Variants in COMMD1 observed in about 807,000 individuals in gnomAD.
COMMD1 encodes COMM domain-containing protein 1.
In COMMD1, 10 loss-of-function variants were observed where a neutral mutation model predicts 17.2. The observed-to-expected ratio is 0.58, with a 90% CI of 0.36 to 0.99. The LOEUF is 0.99. COMMD1 is among the 50% of genes least tolerant of loss of function. COMMD1 has a pLI of 0.01. For synonymous variants in COMMD1, 97 were observed against 91.6 expected (o/e 1.06, Z -0.34); for missense variants, 270 against 231.8 (o/e 1.17, Z -1.07).
chr2:61,945,832 G>A (rs1385053511), intron 1 of COMMD1, among the ~76,000 whole-genome samples: 1 of 152,168 alleles, frequency 6.6e-6, no homozygotes, highest in Non-Finnish European at 1.5e-5. Context: ...AGTCACTGTC[G>A]GTAGAAAGGA....
At chr2:62,047,340 A>G (rs2103909899) in intron 2 of COMMD1, among the ~76,000 whole-genome samples, 2 of 152,308 alleles carry the variant, frequency 1.3e-5, no homozygotes, top group South Asian at 4.1e-4. Context: ...ATATTTATAA[A>G]TTCTACAGTA....
intron 2 of COMMD1, among the ~76,000 whole-genome samples, chr2:62,018,892 G>C (rs896904924): frequency 1.3e-5 from 2 of 152,100 alleles, no homozygotes; most frequent in African/African-American, 2.4e-5. Flanking sequence ...TTTTGTGTTT[G>C]GTGAAGGCCT....
intron 1 of COMMD1, among the ~76,000 whole-genome samples, chr2:61,943,796 T>C (rs916955546): frequency 2.0e-5 from 3 of 152,022 alleles, no homozygotes; most frequent in Non-Finnish European, 4.4e-5. Context: ...GATCCCGCCA[T>C]TGCACTCCAG....
chr2:62,075,182 C>T (rs1671308281), intron 2 of COMMD1, among the ~76,000 whole-genome samples: 1 of 152,042 alleles, frequency 6.6e-6, no homozygotes, highest in African/African-American at 2.4e-5. Context: ...AGCCACCATG[C>T]CTGGCCTGGT....
intron 2 of COMMD1, among the ~76,000 whole-genome samples, chr2:62,106,694 G>A (rs1156844170): frequency 6.6e-6 from 1 of 152,212 alleles, no homozygotes; most frequent in Admixed American, 6.5e-5. Flanking sequence ...AGGTGGTGAT[G>A]AGCACCAAAA....
intron 1 of COMMD1, among the ~76,000 whole-genome samples, chr2:61,999,005 A>G (rs1389068806): frequency 3.3e-5 from 5 of 152,228 alleles, no homozygotes; most frequent in African/African-American, 1.2e-4. Flanking sequence ...GATATAAATA[A>G]TAGTGAAAAA....
At chr2:62,015,661 C>T (rs1392937704) in intron 2 of COMMD1, among the ~76,000 whole-genome samples, 2 of 143,314 alleles carry the variant, frequency 1.4e-5, no homozygotes, top group South Asian at 2.2e-4. Flanking sequence ...TTTCCAGTTT[C>T]TGTACATCCT....
At chr2:61,993,361 C>G (rs1668649678) in intron 1 of COMMD1, among the ~76,000 whole-genome samples, 1 of 152,340 alleles carries the variant, frequency 6.6e-6, no homozygotes, top group Non-Finnish European at 1.5e-5. Flanking sequence ...TTTTCGAACT[C>G]ATTTTACTGC....
At chr2:62,102,421 C>T (rs1672210884) in intron 2 of COMMD1, among the ~76,000 whole-genome samples, 1 of 152,194 alleles carries the variant, frequency 6.6e-6, no homozygotes, top group Admixed American at 6.5e-5. Context: ...AATACCTGAA[C>T]TAAACATTTT....
At chr2:62,065,751 A>G (rs879829654) in intron 2 of COMMD1, among the ~76,000 whole-genome samples, 2 of 152,188 alleles carry the variant, frequency 1.3e-5, no homozygotes, top group Non-Finnish European at 2.9e-5. Context: ...GTTTTTAGTA[A>G]AAGTCTTCAG....
chr2:61,997,946 G>C (rs6545920), intron 1 of COMMD1, among the ~76,000 whole-genome samples: 138,868 of 152,330 alleles, frequency 0.91, 63,444 homozygotes, highest in East Asian at 1. Flanking sequence ...GTGTAACCAC[G>C]TTCATCAAAT....
At chr2:62,084,312 C>T (rs1265446686) in intron 2 of COMMD1, among the ~76,000 whole-genome samples, 1 of 152,116 alleles carries the variant, frequency 6.6e-6, no homozygotes, top group East Asian at 1.9e-4. Flanking sequence ...AGAAGCCTTA[C>T]ATAACAGTTG....
chr2:62,042,658 G>T (rs902101603), intron 2 of COMMD1, among the ~76,000 whole-genome samples: 1 of 152,194 alleles, frequency 6.6e-6, no homozygotes, highest in South Asian at 2.1e-4. Flanking sequence ...AGCCAGCCCC[G>T]GCGACGGGCT....
chr2:61,897,680 C>T (rs1008382859), intron 1 of COMMD1, among the ~76,000 whole-genome samples: 15 of 152,024 alleles, frequency 9.9e-5, no homozygotes, highest in East Asian at 3.9e-4. Context: ...ACCCAGGAGG[C>T]GGAGGTTGCA....
intron 1 of COMMD1, among the ~76,000 whole-genome samples, chr2:61,965,422 A>G (rs1671480510): frequency 6.6e-6 from 1 of 152,232 alleles, no homozygotes; most frequent in African/African-American, 2.4e-5. Context: ...TAGGACCTTC[A>G]GAAAAACCAG....
At chr2:62,135,414 G>A (rs765517440) in intron 2 of COMMD1, among the ~76,000 whole-genome samples, 105 of 151,116 alleles carry the variant, frequency 6.9e-4, no homozygotes, top group Non-Finnish European at 5.3e-4. Context: ...GCAGTGGCCC[G>A]ATCTCGGCTC....
At chr2:62,066,559 GCCT>G (rs1173654299) in intron 2 of COMMD1, among the ~76,000 whole-genome samples, 1 of 150,442 alleles carries the variant, frequency 6.6e-6, no homozygotes, top group Non-Finnish European at 1.5e-5. Context: ...CTGCCACCAT[GCCT>G]GGCTAATTTT....
chr2:61,895,407 T>G (rs1221947915), intron 1 of COMMD1, among the ~76,000 whole-genome samples: 2 of 152,120 alleles, frequency 1.3e-5, no homozygotes, highest in Non-Finnish European at 2.9e-5. Flanking sequence ...GCTCCAGACT[T>G]GGAAATGGTG....
At chr2:61,989,075 A>G (rs1672179312) in intron 1 of COMMD1, among the ~76,000 whole-genome samples, 1 of 152,196 alleles carries the variant, frequency 6.6e-6, no homozygotes, top group South Asian at 2.1e-4. Flanking sequence ...GTTTTTCTGC[A>G]GTATGAAGTT....
Sources: gnomAD v4.1 joint callset for allele counts (sites outside exome capture counted in the v4.1 genomes callset) on GRCh38, gnomAD v4.1.1 for gene constraint, MANE v1.5 for transcripts, NCBI Gene and HGNC (gene_info 2026-07-23, HGNC 2026-07-21) for gene names.